LYPLAL1: variants seen among roughly 807,000 people sequenced by gnomAD.
LYPLAL1 encodes the protein lysophospholipase like 1.
In LYPLAL1, 23 loss-of-function variants were observed where a neutral mutation model predicts 19.7. That is an observed-to-expected ratio of 1.17 (90% CI 0.84 to 1.65). LYPLAL1 has a LOEUF of 1.65. LYPLAL1 is among the 40% of genes most tolerant of loss of function. The pLI is 0.00. For missense variants in LYPLAL1, 355 were observed against 279.4 expected (o/e 1.27, Z -1.93); for synonymous variants, 119 against 96.3 (o/e 1.24, Z -1.38).
At chr1:219,263,412 A>G in the LYPLAL1 span, among the ~76,000 whole-genome samples, 2 of 152,136 alleles carry the variant, frequency 1.3e-5, no homozygotes, top group Non-Finnish European at 2.9e-5. Flanking sequence ...GCCCCAGGTT[A>G]CAAGCCTGCC....
chr1:219,370,901 G>A, the LYPLAL1 span, among the ~76,000 whole-genome samples: 7 of 152,158 alleles, frequency 4.6e-5, no homozygotes, highest in South Asian at 2.1e-4. Context: ...AGGAGATTGC[G>A]CTGAGACAGT....
chr1:219,275,791 T>TA, the LYPLAL1 span, among the ~76,000 whole-genome samples: 2 of 152,090 alleles, frequency 1.3e-5, no homozygotes, highest in Non-Finnish European at 2.9e-5. Context: ...AAACAATATT[T>TA]AAAATATTAA....
the LYPLAL1 span, among the ~76,000 whole-genome samples, chr1:219,381,913 T>A: frequency 6.6e-6 from 1 of 152,176 alleles, no homozygotes; most frequent in Non-Finnish European, 1.5e-5. Flanking sequence ...ACATGGTCTG[T>A]ATGGATCTGT....
At chr1:219,256,676 A>G in the LYPLAL1 span, among the ~76,000 whole-genome samples, 1 of 152,064 alleles carries the variant, frequency 6.6e-6, no homozygotes, top group African/African-American at 2.4e-5. Flanking sequence ...ATATTCAGTC[A>G]TTGAATTTAA....
chr1:219,227,331 A>G, the LYPLAL1 span, among the ~76,000 whole-genome samples: 1 of 152,144 alleles, frequency 6.6e-6, no homozygotes, highest in Non-Finnish European at 1.5e-5. Flanking sequence ...TCTTTCAAAG[A>G]CAGGAGTTGG....
intron 1 of LYPLAL1, among the ~76,000 whole-genome samples, chr1:219,178,283 T>G (rs1204105226): frequency 6.6e-6 from 1 of 152,216 alleles, no homozygotes; most frequent in East Asian, 1.9e-4. Context: ...TTCACATTTA[T>G]TTGTGTGATT....
the LYPLAL1 span, among the ~76,000 whole-genome samples, chr1:219,373,292 C>T: frequency 6.6e-6 from 1 of 152,180 alleles, no homozygotes; most frequent in Non-Finnish European, 1.5e-5. Flanking sequence ...GAAACCGCTC[C>T]CATCACTTCC....
chr1:219,349,725 A>G, the LYPLAL1 span, among the ~76,000 whole-genome samples: 3 of 152,186 alleles, frequency 2.0e-5, no homozygotes, highest in African/African-American at 7.2e-5. Context: ...GTCTGGCAAC[A>G]GGACACAGTC....
At chr1:219,246,445 TGAGAG>T in the LYPLAL1 span, among the ~76,000 whole-genome samples, 1 of 152,248 alleles carries the variant, frequency 6.6e-6, no homozygotes, top group Non-Finnish European at 1.5e-5. Flanking sequence ...TATCTGAACA[TGAGAG>T]GAGAGGAAAA....
chr1:219,424,052 AAT>A, the LYPLAL1 span, among the ~76,000 whole-genome samples: 18 of 149,406 alleles, frequency 1.2e-4, no homozygotes, highest in Non-Finnish European at 2.4e-4. Flanking sequence ...TATATTATAA[AAT>A]ATACTATTAG....
the LYPLAL1 span, among the ~76,000 whole-genome samples, chr1:219,303,082 G>T: frequency 3.3e-5 from 5 of 152,120 alleles, no homozygotes; most frequent in Non-Finnish European, 7.4e-5. Flanking sequence ...TATAGAAAAT[G>T]CTCCACTATC....
chr1:219,257,393 A>C, the LYPLAL1 span, among the ~76,000 whole-genome samples: 1 of 133,104 alleles, frequency 7.5e-6, no homozygotes. Flanking sequence ...TTTGAATAGT[A>C]TTGGGGGAAC....
the LYPLAL1 span, among the ~76,000 whole-genome samples, chr1:219,402,998 G>A: frequency 3.9e-5 from 6 of 152,144 alleles, no homozygotes; most frequent in African/African-American, 1.2e-4. Flanking sequence ...AGAATTACTG[G>A]AACCCAAGGA....
At chr1:219,183,124 C>T (rs996362539) in intron 2 of LYPLAL1, among the ~76,000 whole-genome samples, 1 of 152,028 alleles carries the variant, frequency 6.6e-6, no homozygotes, top group Non-Finnish European at 1.5e-5. Flanking sequence ...TTAATTTTAG[C>T]CAAACCAGTA....
chr1:219,275,606 A>C, the LYPLAL1 span, among the ~76,000 whole-genome samples: 2 of 152,210 alleles, frequency 1.3e-5, no homozygotes, highest in African/African-American at 4.8e-5. Flanking sequence ...TAAGTCTATC[A>C]CAAATATTAA....
chr1:219,182,374 C>T (rs1011909381), intron 2 of LYPLAL1, among the ~76,000 whole-genome samples: 11 of 152,040 alleles, frequency 7.2e-5, no homozygotes, highest in African/African-American at 2.7e-4. Context: ...GATTTATTGT[C>T]GTTGCTTTTG....
At chr1:219,206,242 GTTAATC>G (rs1328993420) in intron 3 of LYPLAL1, among the ~76,000 whole-genome samples, 2 of 151,978 alleles carry the variant, frequency 1.3e-5, no homozygotes, top group African/African-American at 4.8e-5. Context: ...TATTCAGCTT[GTTAATC>G]TTAAGTGTAT....
At chr1:219,359,345 A>T in the LYPLAL1 span, among the ~76,000 whole-genome samples, 1 of 152,178 alleles carries the variant, frequency 6.6e-6, no homozygotes, top group African/African-American at 2.4e-5. Flanking sequence ...TACATCAGGG[A>T]TTTATCCCCT....
the LYPLAL1 span, among the ~76,000 whole-genome samples, chr1:219,261,081 G>T: frequency 5.1e-4 from 77 of 152,190 alleles, 1 homozygote; most frequent in African/African-American, 1.8e-3. Context: ...ACTCAGTAGT[G>T]ACTGTATTCA....
Sources: gnomAD v4.1 joint callset for allele counts (sites outside exome capture counted in the v4.1 genomes callset) on GRCh38, gnomAD v4.1.1 for gene constraint, MANE v1.5 for transcripts, NCBI Gene and HGNC (gene_info 2026-07-23, HGNC 2026-07-21) for gene names.